Variants in VWA3B observed in about 807,000 individuals in gnomAD.
The protein encoded by VWA3B is von Willebrand factor A domain-containing protein 3B.
In VWA3B, 138 loss-of-function variants were observed where a neutral mutation model predicts 158.3. That is an observed-to-expected ratio of 0.87 (90% CI 0.76 to 1.00). The LOEUF (loss-of-function observed/expected upper bound fraction) is 1.00, where lower values mean the gene tolerates loss of function less well. Ranked by LOEUF, VWA3B falls within the 50% of genes least tolerant of loss-of-function variation. The pLI is 0.00. For synonymous variants in VWA3B, 596 were observed against 587.3 expected, an observed-to-expected ratio of 1.01 and a Z score of -0.21; for missense variants, 1,555 against 1,565.1, an observed-to-expected ratio of 0.99 and a Z score of 0.11.
At chr2:98,322,059 T>C in the VWA3B span, among the ~76,000 whole-genome samples, 6 of 152,200 alleles carry the variant, frequency 3.9e-5, no homozygotes, top group Admixed American at 1.3e-4. Flanking sequence ...ATGTAAGTCA[T>C]GCCTTTTTTC....
At chr2:98,219,821 C>T (rs879612650) in intron 14 of VWA3B, among the ~76,000 whole-genome samples, 6 of 152,062 alleles carry the variant, frequency 3.9e-5, no homozygotes, top group South Asian at 2.1e-4. Flanking sequence ...AGAGCCTATG[C>T]GGACTGAAAA....
intron 12 of VWA3B, among the ~76,000 whole-genome samples, chr2:98,202,567 C>T (rs1410915697): frequency 3.3e-5 from 5 of 151,782 alleles, no homozygotes; most frequent in Admixed American, 1.3e-4. Context: ...AATTAAATCT[C>T]CATTTCTTAG....
chr2:98,123,431 G>T (rs1253858829), intron 5 of VWA3B, among the ~76,000 whole-genome samples: 1 of 152,208 alleles, frequency 6.6e-6, no homozygotes, highest in Non-Finnish European at 1.5e-5. Flanking sequence ...GGAGAAGGAA[G>T]ATGCCCAGAG....
chr2:98,118,745 C>CTAAAATAAAATAAAATAAAA (rs112520695), intron 3 of VWA3B, among the ~76,000 whole-genome samples: 18 of 151,644 alleles, frequency 1.2e-4, no homozygotes, highest in African/African-American at 3.4e-4. Flanking sequence ...CTTGCAACTG[C>CTAAAATAAAATAAAATAAAA]TAAAATAAAA....
chr2:98,236,502 C>G, intron 18 of VWA3B, 25 bp downstream of exon 18: 2 of 1,614,098 alleles, frequency 1.2e-6, no homozygotes, highest in Non-Finnish European at 1.7e-6. Flanking sequence ...TTGACAAAGA[C>G]AGTTCTGTTA....
chr2:98,156,104 A>G (rs969057171), intron 7 of VWA3B, among the ~76,000 whole-genome samples: 4 of 152,190 alleles, frequency 2.6e-5, no homozygotes, highest in African/African-American at 9.7e-5. Flanking sequence ...GGTTCTGAGG[A>G]CCACACTCTG....
At chr2:98,214,896 G>T (rs1359243663) in intron 13 of VWA3B, among the ~76,000 whole-genome samples, 2 of 152,158 alleles carry the variant, frequency 1.3e-5, no homozygotes, top group African/African-American at 2.4e-5. Flanking sequence ...GGACTCAGCT[G>T]CAAGGTCCAT....
chr2:98,127,866 G>C (rs114177828), intron 5 of VWA3B, among the ~76,000 whole-genome samples: 2 of 152,150 alleles, frequency 1.3e-5, no homozygotes, highest in African/African-American at 4.8e-5. Flanking sequence ...GCACTGCCGC[G>C]GGCAATGGCA....
At chr2:98,099,834 A>G (rs1159257268) in intron 2 of VWA3B, among the ~76,000 whole-genome samples, 7 of 151,758 alleles carry the variant, frequency 4.6e-5, no homozygotes, top group African/African-American at 7.3e-5. Context: ...TGCTTGTTCA[A>G]TTCAGCTGTT....
In VWA3B at chr2:98,287,241, C is replaced by T. The variant is rs146783877; in HGVS notation, c.3046-3270C>T. The stretch of plus-strand genomic sequence containing the variant: ...GTGCCTATTTCTGGGTTTTGGACCA[C>T]GCCAAGAGACACTGGAGAGAACAAA... On this transcript the variant is annotated intron_variant, in intron 22 of 27. Coordinates refer to ENST00000477737, the MANE Select transcript of VWA3B (RefSeq NM_144992.5). Among the ~76,000 whole-genome samples, 69 of 152,182 alleles carry T rather than the reference C, an allele frequency of 4.5e-4. 1 individual carries two copies. Among genetic ancestry groups the T allele is most frequent in the African/African-American group, 1.3e-3 (56 of 41,518 alleles).
At chr2:98,188,279 C>A in intron 10 of VWA3B, 150 bp downstream of exon 10, 3 of 1,073,384 alleles carry the variant, frequency 2.8e-6, no homozygotes, top group East Asian at 5.4e-5. Context: ...TGTGTGTATA[C>A]AATGTACAAA....
intron 8 of VWA3B, among the ~76,000 whole-genome samples, chr2:98,174,607 A>G (rs1237367189): frequency 3.3e-5 from 5 of 152,232 alleles, no homozygotes; most frequent in Admixed American, 6.5e-5. Context: ...AACACTTAAG[A>G]TGAAAAACTG....
chr2:98,271,794 T>G (rs1039348731), intron 22 of VWA3B, among the ~76,000 whole-genome samples: 5 of 152,222 alleles, frequency 3.3e-5, no homozygotes, highest in Non-Finnish European at 4.4e-5. Context: ...ATTTGGAGTC[T>G]ATAAATACAC....
At chr2:98,129,595 A>G (rs966132744) in intron 6 of VWA3B, among the ~76,000 whole-genome samples, 2 of 152,132 alleles carry the variant, frequency 1.3e-5, no homozygotes, top group African/African-American at 4.8e-5. Context: ...GTAACAAACT[A>G]TCTTTTCAAT....
chr2:98,130,794 A>G (rs1271255883), intron 6 of VWA3B, among the ~76,000 whole-genome samples: 1 of 152,204 alleles, frequency 6.6e-6, no homozygotes, highest in African/African-American at 2.4e-5. Flanking sequence ...TTCTTTCTAC[A>G]CAGACACAGT....
At chr2:98,101,839 T>C (rs545887994) in intron 2 of VWA3B, among the ~76,000 whole-genome samples, 1 of 151,734 alleles carries the variant, frequency 6.6e-6, no homozygotes, top group South Asian at 2.1e-4. Flanking sequence ...TTTTTTTTTT[T>C]GCATGTTTAT....
chr2:98,274,128 C>T (rs62157906), intron 22 of VWA3B, among the ~76,000 whole-genome samples: 5,911 of 152,248 alleles, frequency 0.039, 169 homozygotes, highest in Middle Eastern at 0.075. Context: ...TTCTGTCTCC[C>T]TGGGATCTCC....
chr2:98,104,901 T>A lies in VWA3B; in HGVS notation c.197-10751T>A, dbSNP rs559564369. Among the ~76,000 whole-genome samples, 64 of 152,342 alleles carry A rather than the reference T, an allele frequency of 4.2e-4. 1 individual carries two copies. In the South Asian group the frequency reaches 0.013, roughly 31 times the overall value. On this transcript the variant is annotated intron_variant, in intron 2 of 27. Coordinates refer to ENST00000477737, the MANE Select transcript of VWA3B (RefSeq NM_144992.5). The stretch of plus-strand genomic sequence containing the variant: ...ATAAAATGAAACAAGTTTTCAACAC[T>A]CATACCTCCCCTTACTCCTCACTCC...
At chr2:98,227,233 C>A (rs989612147) in intron 14 of VWA3B, among the ~76,000 whole-genome samples, 2 of 152,170 alleles carry the variant, frequency 1.3e-5, no homozygotes, top group South Asian at 2.1e-4. Flanking sequence ...AAATCACAAG[C>A]ATTCCTGTAC....
Sources: gnomAD v4.1 joint callset for allele counts (sites outside exome capture counted in the v4.1 genomes callset) on GRCh38, gnomAD v4.1.1 for gene constraint, MANE v1.5 for transcripts, NCBI Gene and HGNC (gene_info 2026-07-23, HGNC 2026-07-21) for gene names.